The following PGM3 variants were observed in gnomAD, a reference collection of about 807,000 sequenced individuals.
PGM3 encodes the protein phosphoacetylglucosamine mutase.
PGM3 carries 40 observed loss-of-function variants against 66.2 expected under a neutral mutation model. The ratio of observed to expected loss-of-function variants is 0.60; its 90% CI spans 0.47 to 0.79. The LOEUF (loss-of-function observed/expected upper bound fraction) is 0.79. Among genes scored for constraint, PGM3 ranks in the 30% least tolerant of loss-of-function variants. The pLI, the probability that PGM3 is intolerant of heterozygous loss-of-function variation, is 0.00. For synonymous variants in PGM3, 191 were observed against 224.2 expected, an observed-to-expected ratio of 0.85 and a Z score of 1.32; for missense variants, 537 against 643.4, an observed-to-expected ratio of 0.83 and a Z score of 1.79.
chr6:83,179,755 G>T, intron 7 of PGM3, 55 bp downstream of exon 7: 1 of 1,321,424 alleles, frequency 7.6e-7, no homozygotes, highest in South Asian at 1.5e-5. Flanking sequence ...GTAAAATATG[G>T]AACTATTTCA....
At chr6:83,169,527 T>G (rs1237409339) in intron 12 of PGM3, 1 of 578,458 alleles carries the variant, frequency 1.7e-6, no homozygotes, top group Non-Finnish European at 3.0e-6. Flanking sequence ...CAAATTCTTC[T>G]AAATAAGGTA....
downstream of PGM3, chr6:83,158,590 G>A: frequency 6.2e-7 from 1 of 1,608,282 alleles, no homozygotes; most frequent in Non-Finnish European, 8.5e-7. Context: ...TACTGATGGA[G>A]CAGGAACTCA....
intron 4 of PGM3, 70 bp from the exon 5 acceptor site, chr6:83,183,048 T>C: frequency 7.1e-7 from 1 of 1,403,626 alleles, no homozygotes; most frequent in Non-Finnish European, 9.9e-7. Flanking sequence ...AATGCATTCA[T>C]GTGTAGGAAT....
chr6:83,187,299 T>G (rs1788653807), intron 3 of PGM3, among the ~76,000 whole-genome samples: 1 of 152,190 alleles, frequency 6.6e-6, no homozygotes, highest in South Asian at 2.1e-4. Context: ...TTAAATGAAT[T>G]TATAAAATAG....
intron 8 of PGM3, among the ~76,000 whole-genome samples, chr6:83,178,419 T>G (rs529842090): frequency 1.3e-5 from 2 of 152,330 alleles, no homozygotes; most frequent in East Asian, 3.9e-4. Context: ...TAGAAAGACT[T>G]ACATTCATTA....
At chr6:83,157,993 T>C (rs1490670902), downstream of PGM3, among the ~76,000 whole-genome samples, 2 of 152,004 alleles carry the variant, frequency 1.3e-5, no homozygotes, top group African/African-American at 4.8e-5. Flanking sequence ...CTTTCTTTTA[T>C]TTTTCCTTTT....
intron 10 of PGM3, 152 bp downstream of exon 10, chr6:83,174,222 A>G (rs1787578936): frequency 1.7e-6 from 1 of 586,464 alleles, no homozygotes; most frequent in South Asian, 2.1e-5. Context: ...ATTCCATTTC[A>G]TTATAAATCT....
chr6:83,175,094 TTGA>T (rs1291747672), intron 9 of PGM3, among the ~76,000 whole-genome samples: 1 of 152,180 alleles, frequency 6.6e-6, no homozygotes, highest in African/African-American at 2.4e-5. Context: ...GCTCAACTAC[TTGA>T]TGAAATACAT....
In PGM3 at chr6:83,176,033, C is replaced by T. The variant is rs1480306284; in HGVS notation, c.1057G>A (p.Val353Ile). The T allele has an allele frequency of 6.2e-7, 1 of 1,608,094 alleles. No homozygotes were observed. The highest frequency in any genetic ancestry group is 8.5e-7 in the Non-Finnish European group (1 of 1,174,604). Residue 353 changes from valine (V) to isoleucine (I), a missense_variant, in exon 9 of 13, where the codon GTA becomes ATA. Transcript: ENST00000513973. ...KVPVYCTKTG[V>I]KHLHHKAQEF... is the part of the protein sequence containing the mutation. ...TGAGCCTTGTGGTGCAAATGTTTTA[C>T]ACCAGTCTTAGTGCAATAGACAGGT...
chr6:83,171,315 A>G (rs547009768), intron 11 of PGM3: 2 of 151,936 alleles, frequency 1.3e-5, no homozygotes, highest in South Asian at 4.1e-4. Context: ...TTTTATATCT[A>G]TTTTTAATTT....
chr6:83,166,685 A>G lies in PGM3; in HGVS notation c.*2549T>C. The G allele has an allele frequency of 3.2e-6, 4 of 1,248,512 alleles. No homozygotes were observed. The highest frequency in any genetic ancestry group is 3.2e-5 in the South Asian group (1 of 31,500). 77.3% of individuals were successfully genotyped at this position (1,248,512 alleles called of 1,614,324 possible). A position where few individuals can be genotyped will look rare whatever the true frequency, so the allele number is the denominator to read the frequency against. ...CCGCAATTACGTTTGCACCAACCTA[A>G]TATTTTCCTTTTTCAGGATTTTACT... On this transcript the variant is annotated 3_prime_UTR_variant, in exon 13 of 13. Coordinates refer to ENST00000513973, the MANE Select transcript of PGM3 (RefSeq NM_015599.3).
rs1413502612 is a variant in PGM3, at chr6:83,166,365, C to T, written c.*2869G>A. 7 of 698,786 alleles carry T rather than the reference C, an allele frequency of 1.0e-5. No individual in the cohort carries two copies. The highest frequency in any genetic ancestry group is 1.8e-5 in the Non-Finnish European group (7 of 383,626). The allele number at this position is 698,786 out of a possible 1,614,324, so 43.3% of individuals were successfully genotyped here. On this transcript the variant is annotated 3_prime_UTR_variant, in exon 13 of 13. Transcript: ENST00000513973. The stretch of plus-strand genomic sequence containing the variant: ...TCCTCATCTTCAAGGCTCTAGTCTC[C>T]TTTGCAAAACTTCTTGAGCCATCAC...
At position 83,171,929 on chromosome 6, in the gene PGM3, T is replaced by C. The variant is rs776936659; in HGVS notation, c.1365+8A>G. On this transcript the variant is annotated splice_region_variant and intron_variant, in intron 11 of 12. Coordinates refer to ENST00000513973, the MANE Select transcript of PGM3 (RefSeq NM_015599.3). ...TTCAAAAAAGTTACTTTAAAGTTTC[T>C]CTCACACCTGAACTTTAAGTTGTCT... 1 of 1,608,764 alleles carries C rather than the reference T, an allele frequency of 6.2e-7. No individual in the cohort carries two copies. The highest frequency in any genetic ancestry group is 2.2e-5 in the East Asian group (1 of 44,852).
chr6:83,148,714 A>G, the PGM3 span: 2 of 1,292,004 alleles, frequency 1.5e-6, no homozygotes, highest in Non-Finnish European at 2.1e-6. Flanking sequence ...CTAGTAGAAA[A>G]CCATAGTTTA....
the PGM3 span, chr6:83,154,261 A>C: frequency 3.1e-6 from 5 of 1,605,730 alleles, no homozygotes; most frequent in African/African-American, 6.7e-5. Flanking sequence ...ACGGGATGAC[A>C]ATCCAAGTTC....
At chr6:83,177,702 C>A (rs942021490) in intron 8 of PGM3, among the ~76,000 whole-genome samples, 5 of 152,110 alleles carry the variant, frequency 3.3e-5, no homozygotes, top group African/African-American at 1.2e-4. Context: ...TCCAATAGCC[C>A]GATTTTAATA....
chr6:83,181,950 C>A lies in PGM3; in HGVS notation c.592-19G>T. 1 of 1,525,392 alleles carries A rather than the reference C, an allele frequency of 6.6e-7. No individual in the cohort carries two copies. The highest frequency in any genetic ancestry group is 2.3e-5 in the Admixed American group (1 of 44,388). The allele number at this position is 1,525,392 out of a possible 1,614,324, so 94.5% of individuals were successfully genotyped here. A position where few individuals can be genotyped will look rare whatever the true frequency, so the allele number is the denominator to read the frequency against. On this transcript the variant is annotated intron_variant, in intron 5 of 12. Coordinates refer to ENST00000513973, the MANE Select transcript of PGM3 (RefSeq NM_015599.3). ...AAGAAGCCTACAAAGGAAAAAGACACATGGAAGAAAAATTTCAAGTTATAA... is the reference window on the plus strand; with the variant it reads ...AAGAAGCCTACAAAGGAAAAAGACAAATGGAAGAAAAATTTCAAGTTATAA...
chr6:83,157,266 G>A (rs765548993), downstream of PGM3: 2 of 1,613,922 alleles, frequency 1.2e-6, no homozygotes, highest in East Asian at 4.5e-5. Flanking sequence ...TTACTTTTAA[G>A]AATGTCTCCC....
rs1786320954 is a variant in PGM3, at chr6:83,168,184, C to T, written c.*1050G>A. The T allele has an allele frequency of 6.2e-7, 1 of 1,600,230 alleles. No homozygotes were observed. Among genetic ancestry groups the T allele is most frequent in the East Asian group, 2.2e-5 (1 of 44,736 alleles). ...AAAACTTGAGCACCATTGCTGGTTC[C>T]ATTTAGCTTACATGTAAATGTAATT... On this transcript the variant is annotated 3_prime_UTR_variant, in exon 13 of 13. Coordinates refer to ENST00000513973, the MANE Select transcript of PGM3 (RefSeq NM_015599.3).
Sources: allele counts gnomAD v4.1 joint callset (sites outside exome capture counted in the v4.1 genomes callset), GRCh38; gene constraint gnomAD v4.1.1; transcripts MANE v1.5; gene names NCBI Gene and HGNC (gene_info 2026-07-23, HGNC 2026-07-21).